RNLS: variants seen among roughly 807,000 people sequenced by gnomAD.
The protein encoded by RNLS is renalase, FAD dependent amine oxidase, also known as renalase.
RNLS carries 39 observed loss-of-function variants against 39.8 expected under a neutral mutation model. That is an observed-to-expected ratio of 0.98 (90% CI 0.76 to 1.28). The LOEUF is 1.28. Among genes scored for constraint, RNLS ranks in the 50% most tolerant of loss-of-function variants. The pLI, the probability that RNLS is intolerant of heterozygous loss-of-function variation, is 0.00. For missense variants in RNLS, 410 were observed against 413.3 expected (o/e 0.99, Z 0.07); for synonymous variants, 147 against 150.7 (o/e 0.98, Z 0.18).
chr10:88,393,332 A>G (rs1852332649), intron 4 of RNLS, among the ~76,000 whole-genome samples: 1 of 152,100 alleles, frequency 6.6e-6, no homozygotes, highest in Non-Finnish European at 1.5e-5. Flanking sequence ...CTGATAAGCA[A>G]CTTCAGCAAA....
At chr10:88,355,453 G>A (rs1849083439) in intron 5 of RNLS, among the ~76,000 whole-genome samples, 2 of 152,174 alleles carry the variant, frequency 1.3e-5, no homozygotes, top group Admixed American at 1.3e-4. Flanking sequence ...TCAGCTGCAG[G>A]TCTGTTGGAG....
At chr10:88,549,558 C>T (rs1055913367) in intron 4 of RNLS, among the ~76,000 whole-genome samples, 1 of 151,986 alleles carries the variant, frequency 6.6e-6, no homozygotes, top group Non-Finnish European at 1.5e-5. Context: ...ACAGTAAGAC[C>T]CTGTTTCTAA....
Position 88,341,194 on chromosome 10 carries a change from T to G in RNLS, c.700+21358A>C, listed in dbSNP as rs565922956. 1.5e-4 allele frequency among the ~76,000 whole-genome samples: 23 copies of G among 151,374 alleles called. 1 individual carries two copies. The East Asian group carries it at 4.5e-3, about 29-fold the overall frequency. The stretch of plus-strand genomic sequence containing the variant: ...AAAATACAAAATTAGCCGGGTGTGG[T>G]GGTGCATGCCTGTAATCCCAGCTAC... On this transcript the variant is annotated intron_variant, in intron 5 of 6. Coordinates refer to ENST00000331772, the MANE Select transcript of RNLS (RefSeq NM_001031709.3).
chr10:88,184,344 A>G, the RNLS span, among the ~76,000 whole-genome samples: 3 of 152,222 alleles, frequency 2.0e-5, no homozygotes, highest in Non-Finnish European at 2.9e-5. Flanking sequence ...ATTTGCGTTA[A>G]ACAGTCATGT....
intron 4 of RNLS, among the ~76,000 whole-genome samples, chr10:88,502,310 T>A (rs977642960): frequency 1.4e-4 from 13 of 94,320 alleles, no homozygotes; most frequent in Non-Finnish European, 2.0e-4. Flanking sequence ...TAGGGTTGAA[T>A]GAGTTCTCCT....
At chr10:88,175,074 C>G in the RNLS span, among the ~76,000 whole-genome samples, 1 of 151,848 alleles carries the variant, frequency 6.6e-6, no homozygotes, top group Admixed American at 6.6e-5. Context: ...TTTAATTATC[C>G]TTTGTATTTC....
the RNLS span, among the ~76,000 whole-genome samples, chr10:88,223,214 C>T: frequency 1.3e-5 from 2 of 152,274 alleles, no homozygotes; most frequent in Admixed American, 1.3e-4. Context: ...TTAGGTTTCC[C>T]GGCAGTTTTT....
intron 6 of RNLS, among the ~76,000 whole-genome samples, chr10:88,307,243 C>A (rs1844990838): frequency 6.6e-6 from 1 of 152,188 alleles, no homozygotes; most frequent in Non-Finnish European, 1.5e-5. Flanking sequence ...TAGGAGTATT[C>A]CCTTTGAAAA....
chr10:88,508,140 T>G (rs1248357545), intron 4 of RNLS, among the ~76,000 whole-genome samples: 1 of 152,128 alleles, frequency 6.6e-6, no homozygotes, highest in African/African-American at 2.4e-5. Context: ...GTGCTGGACT[T>G]GGGAAAAATA....
chr10:88,374,998 C>T (rs1850863235), intron 4 of RNLS, among the ~76,000 whole-genome samples: 1 of 152,122 alleles, frequency 6.6e-6, no homozygotes, highest in Admixed American at 6.6e-5. Context: ...TTTCAGTTAA[C>T]AGCTCACTAC....
chr10:88,420,445 C>A (rs1033706397), intron 4 of RNLS, among the ~76,000 whole-genome samples: 2 of 152,192 alleles, frequency 1.3e-5, no homozygotes, highest in African/African-American at 4.8e-5. Flanking sequence ...GAAGTCCAAA[C>A]TCAAGGTGTT....
At chr10:88,563,605 T>C (rs576450545) in intron 4 of RNLS, among the ~76,000 whole-genome samples, 96 of 152,272 alleles carry the variant, frequency 6.3e-4, no homozygotes, top group Middle Eastern at 3.4e-3. Context: ...AGCCAGAGAA[T>C]GTAGCCAGAG....
chr10:88,548,264 A>AC, intron 4 of RNLS, among the ~76,000 whole-genome samples: 1 of 32,472 alleles, frequency 3.1e-5, no homozygotes, highest in African/African-American at 9.9e-5. Context: ...TCCGTCTCAA[A>AC]AAAAAAAAAA....
At chr10:88,232,760 C>G in the RNLS span, among the ~76,000 whole-genome samples, 12 of 152,360 alleles carry the variant, frequency 7.9e-5, no homozygotes, top group Non-Finnish European at 1.5e-4. Context: ...ACCAAGCCAT[C>G]CTTTCCTGTC....
At chr10:88,511,600 G>A (rs1846127709) in intron 4 of RNLS, among the ~76,000 whole-genome samples, 1 of 152,000 alleles carries the variant, frequency 6.6e-6, no homozygotes, top group African/African-American at 2.4e-5. Flanking sequence ...TTGAGTCCTG[G>A]GTTATGCCAA....
At chr10:88,407,440 G>A (rs185123028) in intron 4 of RNLS, among the ~76,000 whole-genome samples, 79 of 151,880 alleles carry the variant, frequency 5.2e-4, no homozygotes, top group African/African-American at 1.9e-3. Context: ...GTTATATATG[G>A]ATTGATGTGA....
At chr10:88,237,747 T>C in the RNLS span, among the ~76,000 whole-genome samples, 1 of 152,294 alleles carries the variant, frequency 6.6e-6, no homozygotes, top group South Asian at 2.1e-4. Flanking sequence ...AACAAATCTA[T>C]CAACCAATGA....
the RNLS span, among the ~76,000 whole-genome samples, chr10:88,172,456 G>A: frequency 6.6e-6 from 1 of 151,914 alleles, no homozygotes; most frequent in African/African-American, 2.4e-5. Flanking sequence ...TCATATACTT[G>A]TTGGCAATTT....
downstream of RNLS, among the ~76,000 whole-genome samples, chr10:88,272,382 C>G (rs1842674237): frequency 6.6e-6 from 1 of 152,046 alleles, no homozygotes. Context: ...ATTACTATAA[C>G]AAACCACTTA....
Sources: gnomAD v4.1 joint callset for allele counts (sites outside exome capture counted in the v4.1 genomes callset) on GRCh38, gnomAD v4.1.1 for gene constraint, MANE v1.5 for transcripts, NCBI Gene and HGNC (gene_info 2026-07-23, HGNC 2026-07-21) for gene names.